FGF14: variants seen among roughly 807,000 people sequenced by gnomAD.
FGF14 encodes fibroblast growth factor homologous factor 4.
Under a neutral mutation model 25.5 loss-of-function variants are expected in FGF14, and 5 were observed. The ratio of observed to expected loss-of-function variants is 0.20; its 90% CI spans 0.10 to 0.41. The LOEUF (loss-of-function observed/expected upper bound fraction) is 0.41, where lower values mean the gene tolerates loss of function less well. Ranked by LOEUF, FGF14 falls within the 10% of genes least tolerant of loss-of-function variation. The probability of loss-of-function intolerance (pLI) is 1.00; values close to 1 mark genes in which losing one functional copy is unlikely to be tolerated. For synonymous variants in FGF14, 138 were observed against 118.3 expected (o/e 1.17, Z -1.08); for missense variants, 222 against 320.1 (o/e 0.69, Z 2.34).
At chr13:101,764,000 G>T (rs547021157) in intron 3 of FGF14, among the ~76,000 whole-genome samples, 2 of 152,214 alleles carry the variant, frequency 1.3e-5, no homozygotes, top group East Asian at 3.9e-4. Flanking sequence ...TTCCTCTCTA[G>T]TGTGAATTTG....
At chr13:101,857,750 A>C (rs1477001038) in intron 3 of FGF14, among the ~76,000 whole-genome samples, 3 of 152,050 alleles carry the variant, frequency 2.0e-5, no homozygotes, top group Non-Finnish European at 2.9e-5. Flanking sequence ...AGAATGTGTT[A>C]GATCAATTCT....
At chr13:101,732,211 C>G (rs1260496612) in intron 3 of FGF14, among the ~76,000 whole-genome samples, 1 of 152,194 alleles carries the variant, frequency 6.6e-6, no homozygotes, top group Non-Finnish European at 1.5e-5. Context: ...ACCAACTCCA[C>G]TTAGTTACTA....
Position 101,859,734 on chromosome 13 carries a change from C to T in FGF14, c.408+8991G>A, listed in dbSNP as rs997804689. Among the ~76,000 whole-genome samples the T allele has an allele frequency of 5.8e-4, 88 of 152,036 alleles. 1 individual carries two copies. Among genetic ancestry groups the T allele is most frequent in the African/African-American group, 2.0e-3 (84 of 41,420 alleles). On this transcript the variant is annotated intron_variant, in intron 3 of 4. Coordinates refer to ENST00000376143, the MANE Select transcript of FGF14 (RefSeq NM_004115.4). ...GATGGGCCCATATGGGAACAACCCA[C>T]TGTCCACACTGGACATGGAGGACGA...
At chr13:102,190,620 G>T (rs1273772836) in intron 1 of FGF14, among the ~76,000 whole-genome samples, 1 of 152,108 alleles carries the variant, frequency 6.6e-6, no homozygotes, top group Non-Finnish European at 1.5e-5. Context: ...TACATTAATA[G>T]ATAAGGATAA....
intron 1 of FGF14, among the ~76,000 whole-genome samples, chr13:102,040,278 A>T (rs1365094426): frequency 6.6e-6 from 1 of 152,108 alleles, no homozygotes; most frequent in Non-Finnish European, 1.5e-5. Flanking sequence ...TTTCTTCCTT[A>T]TTAGCTCACA....
intron 3 of FGF14, among the ~76,000 whole-genome samples, chr13:101,844,034 A>G (rs895109901): frequency 6.6e-6 from 1 of 152,050 alleles, no homozygotes; most frequent in Admixed American, 6.6e-5. Flanking sequence ...GATTATTTAA[A>G]TGAAATGTGT....
intron 1 of FGF14, among the ~76,000 whole-genome samples, chr13:102,401,120 C>T (rs2058694416): frequency 6.6e-6 from 1 of 152,036 alleles, no homozygotes; most frequent in Non-Finnish European, 1.5e-5. Context: ...GGTTCTTTTT[C>T]CTGGCAACTA....
intron 1 of FGF14, among the ~76,000 whole-genome samples, chr13:101,976,043 G>A (rs1268404874): frequency 6.6e-6 from 1 of 152,112 alleles, no homozygotes; most frequent in African/African-American, 2.4e-5. Context: ...ATGAGCCTGG[G>A]TTATAATGAA....
intron 1 of FGF14, among the ~76,000 whole-genome samples, chr13:101,952,931 G>C (rs1330272931): frequency 6.6e-6 from 1 of 152,182 alleles, no homozygotes; most frequent in African/African-American, 2.4e-5. Flanking sequence ...CTACTCAGGA[G>C]ACTGAGGCTG....
intron 1 of FGF14, among the ~76,000 whole-genome samples, chr13:102,330,738 A>T (rs2056609251): frequency 6.6e-6 from 1 of 151,958 alleles, no homozygotes; most frequent in South Asian, 2.1e-4. Flanking sequence ...ACCCCTGATC[A>T]TCACTCCCTC....
At chr13:101,884,890 CACAG>C (rs776718900) in intron 1 of FGF14, among the ~76,000 whole-genome samples, 2 of 151,700 alleles carry the variant, frequency 1.3e-5, no homozygotes, top group African/African-American at 2.4e-5. Context: ...CACACACACA[CACAG>C]AGTAAAGTAT....
intron 3 of FGF14, among the ~76,000 whole-genome samples, chr13:101,762,114 C>T (rs1035284976): frequency 6.6e-6 from 1 of 152,174 alleles, no homozygotes; most frequent in Non-Finnish European, 1.5e-5. Context: ...CTTGGTAAAG[C>T]CAAAATCCAA....
chr13:102,346,077 AAAAGAT>A (rs369110969), intron 1 of FGF14, among the ~76,000 whole-genome samples: 1 of 152,224 alleles, frequency 6.6e-6, no homozygotes, highest in African/African-American at 2.4e-5. Flanking sequence ...ACACAGATTC[AAAAGAT>A]AAAGATTGAA....
At chr13:101,952,837 C>A (rs2036257210) in intron 1 of FGF14, among the ~76,000 whole-genome samples, 1 of 152,102 alleles carries the variant, frequency 6.6e-6, no homozygotes, top group African/African-American at 2.4e-5. Flanking sequence ...TTGAGACTAG[C>A]CTGACCAACA....
intron 1 of FGF14, among the ~76,000 whole-genome samples, chr13:102,307,301 T>C (rs2055442978): frequency 6.6e-6 from 1 of 152,156 alleles, no homozygotes; most frequent in Non-Finnish European, 1.5e-5. Context: ...CCTGATGCCT[T>C]CATTTTAGCC....
At chr13:102,317,800 C>G (rs2056091378) in intron 1 of FGF14, among the ~76,000 whole-genome samples, 1 of 152,094 alleles carries the variant, frequency 6.6e-6, no homozygotes, top group East Asian at 1.9e-4. Flanking sequence ...AGCTGGATTT[C>G]CTGTCCCCCT....
rs75160830 is a variant in FGF14 at position 102,227,776 on chromosome 13, G to A, written c.208+173695C>T. Among the ~76,000 whole-genome samples, 4 of 152,234 alleles carry A rather than the reference G, an allele frequency of 2.6e-5. No homozygotes were observed. The South Asian group carries it at 8.3e-4, about 32-fold the overall frequency. ...TGAAAGAAGGAGAGTCCTCAGTAAA[G>A]GGGATGAGGAAATGTAGGATTCTGT... On this transcript the variant is annotated intron_variant, in intron 1 of 4. Coordinates refer to the FGF14 transcript ENST00000376131.
chr13:102,278,919 T>C (rs1019026452), intron 1 of FGF14, among the ~76,000 whole-genome samples: 3 of 152,050 alleles, frequency 2.0e-5, no homozygotes, highest in Non-Finnish European at 4.4e-5. Context: ...GAAACAAAGA[T>C]GATGTGACAC....
intron 1 of FGF14, among the ~76,000 whole-genome samples, chr13:102,063,113 T>C (rs1411388144): frequency 1.3e-5 from 2 of 152,158 alleles, no homozygotes; most frequent in Non-Finnish European, 2.9e-5. Context: ...AAACCTTCCT[T>C]ACTGTAAAAT....
Sources: gnomAD v4.1 joint callset for allele counts (sites outside exome capture counted in the v4.1 genomes callset) on GRCh38, gnomAD v4.1.1 for gene constraint, MANE v1.5 for transcripts, NCBI Gene and HGNC (gene_info 2026-07-23, HGNC 2026-07-21) for gene names.